SCMH1: variants seen among roughly 807,000 people sequenced by gnomAD.
SCMH1 encodes the protein Scm polycomb group protein homolog 1.
In SCMH1, 37 loss-of-function variants were observed where a neutral mutation model predicts 70.8. That is an observed-to-expected ratio of 0.52 (90% CI 0.40 to 0.69). The LOEUF (loss-of-function observed/expected upper bound fraction) is 0.69, where lower values mean the gene tolerates loss of function less well. SCMH1 is among the 30% of genes least tolerant of loss of function. The pLI is 0.00. For synonymous variants in SCMH1, 292 were observed against 307.4 expected (o/e 0.95, Z 0.52); for missense variants, 607 against 827.3 (o/e 0.73, Z 3.27).
In SCMH1 at chr1:41,046,403, C is replaced by T; in HGVS notation, c.1498+4G>A. ...CTCAGCCCAGGCCCCATCCCAGCTC[C>T]TACCTGGTAGGTACCTGTCGTGGCT... On this transcript the variant is annotated splice_donor_region_variant and intron_variant, in intron 12 of 14. Coordinates refer to ENST00000337495, the Ensembl canonical transcript of SCMH1. 6.2e-7 allele frequency: 1 copy of T among 1,613,526 alleles called. No individual in the cohort carries two copies. Among genetic ancestry groups the T allele is most frequent in the Non-Finnish European group, 8.5e-7 (1 of 1,179,522 alleles).
intron 8 of SCMH1, among the ~76,000 whole-genome samples, chr1:41,081,067 T>TA (rs373386415): frequency 5.3e-4 from 80 of 152,298 alleles, no homozygotes; most frequent in African/African-American, 1.9e-3. Context: ...GGTCACTAGA[T>TA]ACAAATCTAA....
intron 2 of SCMH1, among the ~76,000 whole-genome samples, chr1:41,183,870 A>G (rs1422505538): frequency 2.0e-5 from 3 of 152,162 alleles, no homozygotes; most frequent in African/African-American, 7.2e-5. Flanking sequence ...TGTCATTTAT[A>G]TTTAGTTTTA....
chr1:41,179,556 C>A (rs920336489), intron 2 of SCMH1, among the ~76,000 whole-genome samples: 2 of 152,152 alleles, frequency 1.3e-5, no homozygotes, highest in Admixed American at 6.5e-5. Context: ...TGCAGAAACA[C>A]AAACTACCAT....
intron 1 of SCMH1, among the ~76,000 whole-genome samples, chr1:41,238,425 G>GT: frequency 6.6e-6 from 1 of 152,224 alleles, no homozygotes; most frequent in Non-Finnish European, 1.5e-5. Flanking sequence ...GGAAGGAAAA[G>GT]TAAAAAAACT....
intron 1 of SCMH1, among the ~76,000 whole-genome samples, chr1:41,203,136 T>A (rs370728513): frequency 6.6e-6 from 1 of 152,096 alleles, no homozygotes; most frequent in South Asian, 2.1e-4. Context: ...ATACATTATT[T>A]GTATAGTGTC....
In SCMH1 at chr1:41,193,458, A is replaced by G. The variant is rs559367104; in HGVS notation, c.-117-7208T>C. Among the ~76,000 whole-genome samples the G allele has an allele frequency of 1.1e-4, 17 of 152,290 alleles. No individual in the cohort carries two copies. The East Asian group carries it at 2.9e-3, about 26-fold the overall frequency. ...ATACAATCATCGTGTGATTTTTGCT[A>G]TACAGAGATTTGCTATAAAAAGTGC... On this transcript the variant is annotated intron_variant, in intron 1 of 14. Coordinates refer to ENST00000337495, the Ensembl canonical transcript of SCMH1.
At position 41,037,339 on chromosome 1, in the gene SCMH1, G is replaced by T. The variant is rs1487689907; in HGVS notation, c.1678+23C>A. Reference sequence around the variant, plus strand: ...AGGAAAGAGTGAGGGAGGGAAGGAGGGCCAGGACTCTGGTAAGCTTACCCC... The same window carrying T: ...AGGAAAGAGTGAGGGAGGGAAGGAGTGCCAGGACTCTGGTAAGCTTACCCC... On this transcript the variant is annotated intron_variant, in intron 13 of 14. Coordinates refer to ENST00000337495, the Ensembl canonical transcript of SCMH1. 4 of 1,609,028 alleles carry T rather than the reference G, an allele frequency of 2.5e-6. No homozygotes were observed. In the Admixed American group the frequency reaches 6.7e-5, roughly 27 times the overall value.
At chr1:41,142,267 T>G (rs1298463431) in intron 6 of SCMH1, among the ~76,000 whole-genome samples, 1 of 152,136 alleles carries the variant, frequency 6.6e-6, no homozygotes, top group African/African-American at 2.4e-5. Context: ...GGTCCCCCAT[T>G]GAGACTCACT....
intron 1 of SCMH1, among the ~76,000 whole-genome samples, chr1:41,231,004 C>A (rs1032898118): frequency 6.6e-6 from 1 of 152,146 alleles, no homozygotes; most frequent in African/African-American, 2.4e-5. Flanking sequence ...GGGAGTGGCA[C>A]AAATGATAGT....
At chr1:41,232,682 T>C (rs1404215048) in intron 1 of SCMH1, among the ~76,000 whole-genome samples, 1 of 152,182 alleles carries the variant, frequency 6.6e-6, no homozygotes, top group Non-Finnish European at 1.5e-5. Context: ...TATATGCAGG[T>C]GGGTAAAAAT....
intron 9 of SCMH1, among the ~76,000 whole-genome samples, chr1:41,074,263 A>G (rs922898529): frequency 6.6e-6 from 1 of 152,142 alleles, no homozygotes; most frequent in African/African-American, 2.4e-5. Context: ...GAGTGAATAT[A>G]TGCTAGGGAA....
intron 6 of SCMH1, among the ~76,000 whole-genome samples, chr1:41,137,302 T>C (rs958488924): frequency 6.6e-6 from 1 of 152,246 alleles, no homozygotes; most frequent in Non-Finnish European, 1.5e-5. Flanking sequence ...AAAATTCTGA[T>C]GTATGATGTT....
intron 12 of SCMH1, among the ~76,000 whole-genome samples, chr1:41,044,956 C>T (rs1646715383): frequency 1.3e-5 from 2 of 152,186 alleles, no homozygotes; most frequent in South Asian, 2.1e-4. Context: ...TTCGGAGTTC[C>T]TATTTCTTTG....
intron 10 of SCMH1, among the ~76,000 whole-genome samples, chr1:41,057,041 C>G (rs1650572356): frequency 6.6e-6 from 1 of 152,094 alleles, no homozygotes; most frequent in Admixed American, 6.6e-5. Context: ...CCAACTCCAG[C>G]CAATGCTAGC....
chr1:41,237,730 G>A (rs1389827823), intron 1 of SCMH1, among the ~76,000 whole-genome samples: 1 of 152,080 alleles, frequency 6.6e-6, no homozygotes, highest in Non-Finnish European at 1.5e-5. Flanking sequence ...ATTTGTTCAT[G>A]GCCCAAGTAA....
At chr1:41,176,822 G>C (rs1187480879) in intron 2 of SCMH1, among the ~76,000 whole-genome samples, 1 of 152,192 alleles carries the variant, frequency 6.6e-6, no homozygotes, top group Non-Finnish European at 1.5e-5. Context: ...CCACCTCTCA[G>C]GGCAGGGCAT....
At chr1:41,144,618 A>G (rs185149192) in intron 5 of SCMH1, among the ~76,000 whole-genome samples, 1 of 152,142 alleles carries the variant, frequency 6.6e-6, no homozygotes, top group East Asian at 1.9e-4. Flanking sequence ...GTATATACTT[A>G]TGAGTGAAAC....
intron 1 of SCMH1, among the ~76,000 whole-genome samples, chr1:41,195,081 A>C (rs1652681372): frequency 6.9e-6 from 1 of 145,828 alleles, no homozygotes; most frequent in Admixed American, 7.0e-5. Flanking sequence ...TGGTGAGCTA[A>C]GATCATACCA....
chr1:41,125,198 A>C (rs1672881478), intron 6 of SCMH1, among the ~76,000 whole-genome samples: 1 of 151,966 alleles, frequency 6.6e-6, no homozygotes, highest in Admixed American at 6.6e-5. Flanking sequence ...AGTTGCAAAA[A>C]AGTAATTTTC....
Sources: gnomAD v4.1 joint callset for allele counts (sites outside exome capture counted in the v4.1 genomes callset) on GRCh38, gnomAD v4.1.1 for gene constraint, MANE v1.5 for transcripts, NCBI Gene and HGNC (gene_info 2026-07-23, HGNC 2026-07-21) for gene names.